Variants in CSMD1 observed in about 807,000 individuals in gnomAD.
The protein encoded by CSMD1 is CUB and sushi domain-containing protein 1.
A neutral mutation model predicts 417.5 loss-of-function variants in CSMD1; 213 were observed. The observed-to-expected ratio is 0.51, with a 90% CI of 0.46 to 0.57. The LOEUF (loss-of-function observed/expected upper bound fraction) is 0.57. Ranked by LOEUF, CSMD1 falls within the 20% of genes least tolerant of loss-of-function variation. The probability of loss-of-function intolerance (pLI) is 0.00; values close to 1 mark genes in which losing one functional copy is unlikely to be tolerated. For missense variants in CSMD1, 6,923 were observed against 4,529.7 expected, an observed-to-expected ratio of 1.53 and a Z score of -15.17; for synonymous variants, 2,862 against 1,736.8, an observed-to-expected ratio of 1.65 and a Z score of -16.11.
At chr8:3,284,604 A>G (rs1036876317) in intron 25 of CSMD1, 2 of 452,956 alleles carry the variant, frequency 4.4e-6, no homozygotes, top group Admixed American at 7.2e-5. Flanking sequence ...TGAGCTATCC[A>G]TTTTAGGATA....
chr8:4,945,839 G>A (rs62488205), intron 1 of CSMD1, among the ~76,000 whole-genome samples: 35,618 of 152,008 alleles, frequency 0.23, 4,315 homozygotes, highest in East Asian at 0.39. Flanking sequence ...CCAAGGTCAC[G>A]CCTTGCCACT....
At chr8:3,115,454 G>C (rs554552489) in intron 42 of CSMD1, among the ~76,000 whole-genome samples, 2 of 152,032 alleles carry the variant, frequency 1.3e-5, no homozygotes, top group African/African-American at 4.8e-5. Flanking sequence ...CACCCACCTC[G>C]GTCTCCCAAA....
chr8:3,840,744 G>A (rs1490502908), intron 5 of CSMD1, among the ~76,000 whole-genome samples: 1 of 144,050 alleles, frequency 6.9e-6, no homozygotes, highest in East Asian at 2.1e-4. Context: ...CGTGTAGGCT[G>A]GAGTTCAGTG....
At chr8:3,019,080 G>A (rs886675177) in intron 51 of CSMD1, among the ~76,000 whole-genome samples, 5 of 152,186 alleles carry the variant, frequency 3.3e-5, no homozygotes, top group East Asian at 3.9e-4. Flanking sequence ...ACCATGTCCC[G>A]CTAATTTTTG....
chr8:3,994,001 G>A (rs1297811807), intron 5 of CSMD1, among the ~76,000 whole-genome samples: 1 of 152,188 alleles, frequency 6.6e-6, no homozygotes, highest in Admixed American at 6.5e-5. Context: ...GCAAGGGGAT[G>A]GGCGTGCCTG....
At position 3,016,111 on chromosome 8, in the gene CSMD1, C is replaced by T. The variant is rs529137033; in HGVS notation, c.8029+2366G>A. The stretch of plus-strand genomic sequence containing the variant: ...CTGCAGGTCGAAGGAATAAGCACTT[C>T]CTGTACGTTCTAATCAGATAAATCT... On this transcript the variant is annotated intron_variant, in intron 52 of 69. Transcript: ENST00000635120. Among the ~76,000 whole-genome samples the T allele has an allele frequency of 7.9e-5, 12 of 152,276 alleles. 1 individual carries two copies. The highest frequency in any genetic ancestry group is 2.9e-4 in the African/African-American group (12 of 41,554).
At chr8:4,915,088 A>G (rs1805960533) in intron 1 of CSMD1, among the ~76,000 whole-genome samples, 1 of 152,200 alleles carries the variant, frequency 6.6e-6, no homozygotes, top group Non-Finnish European at 1.5e-5. Flanking sequence ...CTCAGATGTA[A>G]TATGGTCAGG....
intron 2 of CSMD1, among the ~76,000 whole-genome samples, chr8:4,508,139 G>C (rs1452000749): frequency 2.2e-5 from 3 of 133,476 alleles, no homozygotes; most frequent in South Asian, 5.0e-4. Context: ...TGCAGATGTA[G>C]GAGGCAGGGG....
chr8:3,383,037 G>A (rs1015330882), intron 18 of CSMD1, among the ~76,000 whole-genome samples: 5 of 152,170 alleles, frequency 3.3e-5, no homozygotes, highest in Non-Finnish European at 4.4e-5. Context: ...TACCAATGAT[G>A]CCAGCGCATG....
chr8:4,318,308 A>G (rs1350069339), intron 3 of CSMD1, among the ~76,000 whole-genome samples: 1 of 152,140 alleles, frequency 6.6e-6, no homozygotes, highest in African/African-American at 2.4e-5. Flanking sequence ...TGCAGACAAA[A>G]TCTAAAATCT....
intron 5 of CSMD1, among the ~76,000 whole-genome samples, chr8:3,808,444 C>T (rs1400114557): frequency 6.6e-6 from 1 of 152,114 alleles, no homozygotes; most frequent in Non-Finnish European, 1.5e-5. Flanking sequence ...AATGAGTCTT[C>T]AAAAGCTGTG....
At chr8:3,878,573 G>T (rs1020499634) in intron 5 of CSMD1, among the ~76,000 whole-genome samples, 58 of 152,184 alleles carry the variant, frequency 3.8e-4, no homozygotes, top group Non-Finnish European at 1.8e-4. Flanking sequence ...AAAAAATTGC[G>T]TGCATTATTT....
intron 1 of CSMD1, among the ~76,000 whole-genome samples, chr8:4,722,289 C>T (rs1013467199): frequency 5.3e-5 from 8 of 151,994 alleles, no homozygotes; most frequent in African/African-American, 1.7e-4. Flanking sequence ...ATACAGACTG[C>T]AAGAAAGAGA....
At chr8:3,909,333 T>C (rs117153547) in intron 5 of CSMD1, among the ~76,000 whole-genome samples, 4,269 of 152,206 alleles carry the variant, frequency 0.028, 93 homozygotes, top group Non-Finnish European at 0.046. Flanking sequence ...CGTGTGGGCA[T>C]CCTTGCTGGG....
chr8:3,667,516 G>A (rs1408864899), intron 7 of CSMD1, among the ~76,000 whole-genome samples: 2 of 152,104 alleles, frequency 1.3e-5, no homozygotes, highest in African/African-American at 2.4e-5. Flanking sequence ...CTAGGGGATG[G>A]GAGCTGTTGG....
chr8:3,287,882 G>C (rs1803275082), intron 25 of CSMD1, among the ~76,000 whole-genome samples: 1 of 146,044 alleles, frequency 6.8e-6, no homozygotes, highest in South Asian at 2.1e-4. Context: ...TCTTGTGCCA[G>C]TTTGCAAAGG....
chr8:3,411,148 T>G (rs765321239), intron 12 of CSMD1, among the ~76,000 whole-genome samples: 8 of 152,132 alleles, frequency 5.3e-5, no homozygotes, highest in Non-Finnish European at 7.4e-5. Context: ...GTCATCTGAC[T>G]ACAGACTTAA....
chr8:3,675,957 G>T (rs1240111235), intron 7 of CSMD1, among the ~76,000 whole-genome samples: 5 of 152,108 alleles, frequency 3.3e-5, no homozygotes, highest in African/African-American at 1.2e-4. Flanking sequence ...TATTTTCTCA[G>T]CCCAGGCCTG....
At chr8:3,622,021 G>C (rs563013281) in intron 7 of CSMD1, among the ~76,000 whole-genome samples, 1 of 142,672 alleles carries the variant, frequency 7.0e-6, no homozygotes, top group African/African-American at 2.5e-5. Flanking sequence ...GTGTGTGTTT[G>C]AATAGGTCTG....
Sources: allele counts gnomAD v4.1 joint callset (sites outside exome capture counted in the v4.1 genomes callset), GRCh38; gene constraint gnomAD v4.1.1; transcripts MANE v1.5; gene names NCBI Gene and HGNC (gene_info 2026-07-23, HGNC 2026-07-21).